The following UBOX5 variants were observed in gnomAD, a reference collection of about 807,000 sequenced individuals.
The protein encoded by UBOX5 is U-box domain containing 5, also known as RING finger protein 37.
In UBOX5, 28 loss-of-function variants were observed where a neutral mutation model predicts 39.0. The observed-to-expected ratio is 0.72, with a 90% CI of 0.53 to 0.98. UBOX5 has a LOEUF of 0.98. Ranked by LOEUF, UBOX5 falls within the 50% of genes least tolerant of loss-of-function variation. UBOX5 has a pLI of 0.00. For missense variants in UBOX5, 585 were observed against 674.4 expected, an observed-to-expected ratio of 0.87 and a Z score of 1.47; for synonymous variants, 283 against 275.5, an observed-to-expected ratio of 1.03 and a Z score of -0.27.
intron 3 of UBOX5, among the ~76,000 whole-genome samples, 162 bp from the exon 4 acceptor site, chr20:3,115,628 G>A (rs1042643081): frequency 3.3e-4 from 50 of 152,312 alleles, no homozygotes; most frequent in African/African-American, 1.1e-3. Flanking sequence ...AGAACACCGG[G>A]AGGTAAAGCC....
rs1027420403 is a variant in UBOX5, at chr20:3,148,243, T to C, written c.-42+11523A>G. 5.0e-6 allele frequency: 8 copies of C among 1,613,778 alleles called. No individual in the cohort carries two copies. The African/African-American group carries it at 6.7e-5, about 13-fold the overall frequency. On this transcript the variant is annotated intron_variant, in intron 1 of 4. Coordinates refer to ENST00000217173, the MANE Select transcript of UBOX5 (RefSeq NM_014948.4). ...TTAAGTGAACTAGCTGAGACAAGGA[T>C]AGATCCTTCCAGTGCAAATTAAGAT...
At chr20:3,114,413 C>T (rs1225962603) in intron 4 of UBOX5, among the ~76,000 whole-genome samples, 3 of 152,046 alleles carry the variant, frequency 2.0e-5, no homozygotes, top group Non-Finnish European at 4.4e-5. Flanking sequence ...AGCTCCATCT[C>T]GTAAAAAATG....
At chr20:3,113,476 T>C (rs1229404550) in intron 4 of UBOX5, among the ~76,000 whole-genome samples, 4 of 151,844 alleles carry the variant, frequency 2.6e-5, no homozygotes, top group African/African-American at 4.8e-5. Flanking sequence ...TGGGCTGACA[T>C]GATAAAAAGA....
At position 3,121,742 on chromosome 20, in the gene UBOX5, C is replaced by G. The variant is rs758285657; in HGVS notation, c.897G>C (p.Trp299Cys). ...LEKCNRSEATWGRVPSDPFTG... is the reference protein window; with the variant it reads ...LEKCNRSEATCGRVPSDPFTG... ...TGAAAGGGTCACTGGGCACTCGGCC[C>G]CATGTGGCTTCACTGCGGTTACACT... Residue 299 changes from tryptophan to cysteine, a missense_variant, in exon 3 of 5, where the codon TGG becomes TGC. Coordinates refer to ENST00000217173, the MANE Select transcript of UBOX5 (RefSeq NM_014948.4). 1 of 1,614,090 alleles carries G rather than the reference C, an allele frequency of 6.2e-7. No homozygotes were observed. Among genetic ancestry groups the G allele is most frequent in the Non-Finnish European group, 8.5e-7 (1 of 1,180,034 alleles).
chr20:3,110,201 G>A lies in UBOX5; in HGVS notation c.1531C>T (p.Pro511Ser), dbSNP rs563381267. 13 of 1,613,992 alleles carry A rather than the reference G, an allele frequency of 8.1e-6. No individual in the cohort carries two copies. Among genetic ancestry groups the A allele is most frequent in the Middle Eastern group, 1.7e-4 (1 of 5,902 alleles). ...QLPCGHLLCR[P>S]CLGEKQRSLP... is the part of the protein sequence containing the mutation. ...GAGCGTTGCTTCTCACCCAGGCAGG[G>A]TCGGCACAGGAGGTGGCCGCAGGGC... The change falls in exon 5 of 5, where the codon CCC (proline) becomes TCC (serine). Residue 511 changes from proline to serine, a missense_variant. Coordinates refer to ENST00000217173, the MANE Select transcript of UBOX5 (RefSeq NM_014948.4).
At chr20:3,119,942 G>T (rs1294992701) in intron 3 of UBOX5, among the ~76,000 whole-genome samples, 1 of 152,126 alleles carries the variant, frequency 6.6e-6, no homozygotes, top group Non-Finnish European at 1.5e-5. Context: ...CAGCTGCAGA[G>T]GTCACCCAGT....
At position 3,148,305 on chromosome 20, in the gene UBOX5, G is replaced by A. The variant is rs3746700; in HGVS notation, c.-42+11461C>T. 3.2e-4 allele frequency: 512 copies of A among 1,613,028 alleles called. 6 individuals are homozygous for A. In the East Asian group the frequency reaches 0.01, roughly 32 times the overall value. On this transcript the variant is annotated intron_variant, in intron 1 of 4. Transcript: ENST00000217173. ...ATGTTTAAAAACCTAGGTACTTTGC[G>A]GCCTAAGTACCTCCAGAGATCAGCC...
intron 4 of UBOX5, among the ~76,000 whole-genome samples, chr20:3,114,755 C>T (rs2066280294): frequency 6.6e-6 from 1 of 152,142 alleles, no homozygotes; most frequent in Non-Finnish European, 1.5e-5. Context: ...CGAGACCAGC[C>T]TGGCAACATG....
chr20:3,118,424 A>G (rs2148591240), intron 3 of UBOX5, among the ~76,000 whole-genome samples: 1 of 150,736 alleles, frequency 6.6e-6, no homozygotes, highest in East Asian at 2.0e-4. Flanking sequence ...GTGAGCCAAG[A>G]TTGTGCTATT....
At chr20:3,142,048 C>T (rs1031097245) in intron 1 of UBOX5, among the ~76,000 whole-genome samples, 1 of 147,932 alleles carries the variant, frequency 6.8e-6, no homozygotes, top group Admixed American at 6.8e-5. Flanking sequence ...GCCTCAGCTA[C>T]TTGGAAGGCT....
intron 1 of UBOX5, among the ~76,000 whole-genome samples, chr20:3,134,243 T>G (rs1029515203): frequency 6.6e-6 from 1 of 152,140 alleles, no homozygotes; most frequent in African/African-American, 2.4e-5. Flanking sequence ...ATGTTTACAT[T>G]TGGTGTATTC....
Position 3,125,784 on chromosome 20 carries a change from C to T in UBOX5, c.-41-2378G>A, listed in dbSNP as rs572180711. ...GCCACCCCGTCTGGGAGGTGAGGAG[C>T]GCCTCTGCCCAGCCGCCACCCCGTC... On this transcript the variant is annotated intron_variant, in intron 1 of 4. Transcript: ENST00000217173. 1.6e-3 allele frequency among the ~76,000 whole-genome samples: 214 copies of T among 135,348 alleles called. No homozygotes were observed. The Middle Eastern group carries it at 0.023, about 15-fold the overall frequency. The allele number at this position is 135,348 out of a possible 152,430, so 88.8% of individuals were successfully genotyped here.
chr20:3,126,786 A>G (rs1235695445), intron 1 of UBOX5, among the ~76,000 whole-genome samples: 1 of 152,130 alleles, frequency 6.6e-6, no homozygotes, highest in Non-Finnish European at 1.5e-5. Context: ...CTGTAATCCC[A>G]GCACTTTGGG....
intron 1 of UBOX5, among the ~76,000 whole-genome samples, chr20:3,144,065 T>C (rs139632621): frequency 2.4e-3 from 371 of 152,296 alleles, no homozygotes; most frequent in Non-Finnish European, 4.5e-3. Context: ...ATACCATGAT[T>C]ATGGATTAGA....
rs1568480162 is a variant in UBOX5 at position 3,145,440 on chromosome 20, CCTTT to C, written c.-42+14322_-42+14325del. ...GAGTCACCACACTTGGCCTTTTTTT[CCTTT>C]TTTTTTTTTTTTTGAGTTAGGGTCT... On this transcript the variant is annotated intron_variant, in intron 1 of 4. Transcript: ENST00000217173. Among the ~76,000 whole-genome samples the C allele has an allele frequency of 8.4e-5, 12 of 142,346 alleles. 1 individual carries two copies. Among genetic ancestry groups the C allele is most frequent in the Non-Finnish European group, 7.6e-5 (5 of 65,630 alleles). 93.4% of individuals were successfully genotyped at this position (142,346 alleles called of 152,430 possible).
chr20:3,110,995 C>A (rs557573751), intron 4 of UBOX5, among the ~76,000 whole-genome samples: 1 of 152,292 alleles, frequency 6.6e-6, no homozygotes, highest in African/African-American at 2.4e-5. Flanking sequence ...GCCTGCAGCC[C>A]CCTCACTGCT....
intron 1 of UBOX5, among the ~76,000 whole-genome samples, chr20:3,146,148 C>G (rs2066560006): frequency 6.6e-6 from 1 of 152,006 alleles, no homozygotes; most frequent in Non-Finnish European, 1.5e-5. Context: ...CAAGACCAGC[C>G]TGGTCAACAT....
At chr20:3,148,106 C>A in intron 1 of UBOX5, 1 of 1,614,120 alleles carries the variant, frequency 6.2e-7, no homozygotes, top group Non-Finnish European at 8.5e-7. Context: ...GAACCCCAAA[C>A]AGATGGTACC....
At chr20:3,115,912 C>A (rs890093571) in intron 3 of UBOX5, among the ~76,000 whole-genome samples, 1 of 151,992 alleles carries the variant, frequency 6.6e-6, no homozygotes, top group South Asian at 2.1e-4. Flanking sequence ...TACAGGTGTG[C>A]GCCACCACGC....
Sources: allele counts gnomAD v4.1 joint callset (sites outside exome capture counted in the v4.1 genomes callset), GRCh38; gene constraint gnomAD v4.1.1; transcripts MANE v1.5; gene names NCBI Gene and HGNC (gene_info 2026-07-23, HGNC 2026-07-21).